The following MAPRE2 variants were observed in gnomAD, a reference collection of about 807,000 sequenced individuals.
MAPRE2 encodes the protein microtubule associated protein RP/EB family member 2.
MAPRE2 carries 13 observed loss-of-function variants against 43.2 expected under a neutral mutation model. That is an observed-to-expected ratio of 0.30 (90% CI 0.20 to 0.48). The LOEUF is 0.48. Among genes scored for constraint, MAPRE2 ranks in the 20% least tolerant of loss-of-function variants. The pLI, the probability that MAPRE2 is intolerant of heterozygous loss-of-function variation, is 0.99. For missense variants in MAPRE2, 161 were observed against 400.2 expected, an observed-to-expected ratio of 0.40 and a Z score of 5.10; for synonymous variants, 135 against 148.8, an observed-to-expected ratio of 0.91 and a Z score of 0.68.
chr18:34,987,734 C>T (rs1334750255), intron 1 of MAPRE2, among the ~76,000 whole-genome samples: 6 of 152,116 alleles, frequency 3.9e-5, no homozygotes, highest in African/African-American at 1.4e-4. Context: ...CCTCCACCTC[C>T]CAGGCTCAAG....
chr18:35,005,155 C>T (rs1179990596), intron 1 of MAPRE2, among the ~76,000 whole-genome samples: 1 of 151,816 alleles, frequency 6.6e-6, no homozygotes, highest in East Asian at 1.9e-4. Context: ...GGTTATCCGC[C>T]GACATGATTC....
intron 2 of MAPRE2, among the ~76,000 whole-genome samples, chr18:35,072,450 G>T (rs78918993): frequency 6.6e-6 from 1 of 152,160 alleles, no homozygotes; most frequent in African/African-American, 2.4e-5. Context: ...GAAGGAAGGG[G>T]ATAAGGAAAA....
intron 1 of MAPRE2, among the ~76,000 whole-genome samples, chr18:34,987,933 G>A (rs1212241060): frequency 6.6e-6 from 1 of 152,106 alleles, no homozygotes; most frequent in African/African-American, 2.4e-5. Flanking sequence ...ATGAGCCACC[G>A]CACCTGGCCT....
At chr18:35,125,798 C>T (rs972120685) in intron 4 of MAPRE2, among the ~76,000 whole-genome samples, 1 of 152,228 alleles carries the variant, frequency 6.6e-6, no homozygotes, top group Non-Finnish European at 1.5e-5. Flanking sequence ...TCCAGATAGG[C>T]GAGGTCTTAC....
At chr18:35,013,320 C>T (rs1421023192) in intron 2 of MAPRE2, among the ~76,000 whole-genome samples, 1 of 152,104 alleles carries the variant, frequency 6.6e-6, no homozygotes, top group Non-Finnish European at 1.5e-5. Flanking sequence ...TTAAACACTG[C>T]CTGGAGGCAG....
intron 4 of MAPRE2, among the ~76,000 whole-genome samples, chr18:35,113,814 G>T (rs780552981): frequency 1.4e-4 from 21 of 152,116 alleles, no homozygotes; most frequent in Admixed American, 3.3e-4. Flanking sequence ...GATCACTTGA[G>T]CCTGGGGTTC....
chr18:34,994,159 A>G (rs183690905), intron 1 of MAPRE2, among the ~76,000 whole-genome samples: 60 of 151,072 alleles, frequency 4.0e-4, no homozygotes, highest in African/African-American at 1.4e-3. Context: ...TGCTGTCCCC[A>G]TGGGGAATGA....
At chr18:35,023,534 T>G (rs892610289) in intron 2 of MAPRE2, among the ~76,000 whole-genome samples, 7 of 143,258 alleles carry the variant, frequency 4.9e-5, no homozygotes, top group Admixed American at 2.8e-4. Context: ...TATATATACA[T>G]ATATATATAT....
chr18:35,027,358 C>T (rs2097045761), intron 2 of MAPRE2, among the ~76,000 whole-genome samples: 1 of 152,174 alleles, frequency 6.6e-6, no homozygotes, highest in African/African-American at 2.4e-5. Context: ...TCTGCCTGCT[C>T]ATTAGGGATG....
At chr18:35,094,545 G>A (rs1486807790) in intron 2 of MAPRE2, among the ~76,000 whole-genome samples, 1 of 152,156 alleles carries the variant, frequency 6.6e-6, no homozygotes, top group Non-Finnish European at 1.5e-5. Flanking sequence ...GGTGGGGAAC[G>A]AATAGATTAT....
chr18:35,130,963 ACT>A (rs2041022188), intron 5 of MAPRE2, among the ~76,000 whole-genome samples: 1 of 152,148 alleles, frequency 6.6e-6, no homozygotes, highest in East Asian at 1.9e-4. Flanking sequence ...AACCCTGGAA[ACT>A]CTGAACCAGG....
At chr18:35,068,846 G>T (rs767554314) in intron 1 of MAPRE2, among the ~76,000 whole-genome samples, 3 of 152,196 alleles carry the variant, frequency 2.0e-5, no homozygotes, top group Non-Finnish European at 4.4e-5. Flanking sequence ...AACACGGCGT[G>T]AAATAGTCTG....
intron 2 of MAPRE2, among the ~76,000 whole-genome samples, chr18:35,083,160 A>G (rs534497747): frequency 6.6e-6 from 1 of 152,300 alleles, no homozygotes; most frequent in South Asian, 2.1e-4. Flanking sequence ...GCTCTTCTTA[A>G]GTCTTACCTT....
chr18:34,986,701 T>C (rs555277274), intron 1 of MAPRE2, among the ~76,000 whole-genome samples: 1 of 152,174 alleles, frequency 6.6e-6, no homozygotes, highest in Non-Finnish European at 1.5e-5. Context: ...GGTCAGTGGG[T>C]CTGTTAATTC....
intron 1 of MAPRE2, among the ~76,000 whole-genome samples, chr18:35,054,683 T>G (rs79322812): frequency 6.6e-6 from 1 of 152,142 alleles, no homozygotes; most frequent in African/African-American, 2.4e-5. Context: ...GATGTGTGGG[T>G]TTTTTTGTTT....
chr18:35,054,731 T>A (rs1906130804), intron 1 of MAPRE2, among the ~76,000 whole-genome samples: 1 of 152,222 alleles, frequency 6.6e-6, no homozygotes. Flanking sequence ...TTACTTGGTT[T>A]TTTTCCTGTT....
chr18:35,043,635 G>T (rs11081882), intron 1 of MAPRE2, among the ~76,000 whole-genome samples: 52,704 of 152,066 alleles, frequency 0.35, 10,578 homozygotes, highest in Non-Finnish European at 0.46. Context: ...TTTTAATAAA[G>T]ATCTTACTGA....
chr18:35,036,575 C>A (rs759473084), upstream of MAPRE2, among the ~76,000 whole-genome samples: 43 of 152,282 alleles, frequency 2.8e-4, no homozygotes, highest in Non-Finnish European at 4.6e-4. Context: ...ATGTTATAAC[C>A]TTCCCTACCT....
rs371231761 is a variant in MAPRE2 at position 35,001,618 on chromosome 18, C to T, written c.-69-3874C>T. 1.6e-4 allele frequency among the ~76,000 whole-genome samples: 25 copies of T among 151,652 alleles called. 1 individual carries two copies. The highest frequency in any genetic ancestry group is 4.6e-4 in the Admixed American group (7 of 15,246). On this transcript the variant is annotated intron_variant, in intron 1 of 7. Coordinates refer to the MAPRE2 transcript ENST00000413393. ...AATTTTAATGGATTAAGAAGGTACA[C>T]GAGGGAGAAGGGAATAACAGCAAAG...
Sources: gnomAD v4.1 joint callset for allele counts (sites outside exome capture counted in the v4.1 genomes callset) on GRCh38, gnomAD v4.1.1 for gene constraint, MANE v1.5 for transcripts, NCBI Gene and HGNC (gene_info 2026-07-23, HGNC 2026-07-21) for gene names.